The following CFAP47 variants were observed in gnomAD, a reference collection of about 807,000 sequenced individuals.
CFAP47 encodes the protein cilia and flagella associated protein 47.
CFAP47 carries 29 observed loss-of-function variants against 148.1 expected under a neutral mutation model. The ratio of observed to expected loss-of-function variants is 0.20; its 90% CI spans 0.15 to 0.27. The LOEUF (loss-of-function observed/expected upper bound fraction) is 0.27. CFAP47 is among the 10% of genes least tolerant of loss of function. CFAP47 has a pLI of 1.00. For synonymous variants in CFAP47, 664 were observed against 577.3 expected (o/e 1.15, Z -2.15); for missense variants, 1,872 against 1,697.5 (o/e 1.10, Z -1.81).
chrX:36,384,071 T>G (rs1942104369), intron 63 of CFAP47, among the ~76,000 whole-genome samples: 1 of 111,854 alleles, frequency 8.9e-6, no homozygotes, highest in Non-Finnish European at 1.9e-5. Flanking sequence ...CTGGGTGCGG[T>G]GGCTCAAGCC....
intron 33 of CFAP47, among the ~76,000 whole-genome samples, chrX:36,130,648 A>C (rs1342390926): frequency 9.0e-6 from 1 of 111,214 alleles, no homozygotes; most frequent in African/African-American, 3.3e-5. Context: ...AGCACTGTTC[A>C]CCATAGCCAA....
In CFAP47 at chrX:36,346,838, G is replaced by A. The variant is rs148054092; in HGVS notation, c.8444-1291G>A. Among the ~76,000 whole-genome samples the A allele has an allele frequency of 7.6e-3, 845 of 111,580 alleles. 5 individuals carry two copies. The highest frequency in any genetic ancestry group is 0.043 in the South Asian group (114 of 2,640). On this transcript the variant is annotated intron_variant, in intron 57 of 63. Coordinates refer to ENST00000378653, the MANE Select transcript of CFAP47 (RefSeq NM_001304548.2). ...AAGACCTAGGACCATAAAAATCCTA[G>A]AAGAAAACCTGGGCAATACCATTCA...
At chrX:36,247,762 G>A (rs1280244566) in intron 48 of CFAP47, among the ~76,000 whole-genome samples, 1 of 110,845 alleles carries the variant, frequency 9.0e-6, no homozygotes, top group African/African-American at 3.3e-5. Context: ...GAACAAAGGT[G>A]ACATAAGATA....
intron 26 of CFAP47, among the ~76,000 whole-genome samples, chrX:36,060,199 C>T (rs1487983617): frequency 2.7e-5 from 3 of 110,958 alleles, no homozygotes; most frequent in South Asian, 3.7e-4. Flanking sequence ...TTTCTGTGCA[C>T]GTGTGTGTGT....
At chrX:36,176,311 A>G (rs972698297) in intron 39 of CFAP47, among the ~76,000 whole-genome samples, 2 of 112,283 alleles carry the variant, frequency 1.8e-5, no homozygotes, top group South Asian at 3.7e-4. Context: ...CTATTCGGCC[A>G]TCTTGGCTCC....
chrX:36,163,545 A>G (rs1359823620), intron 39 of CFAP47, among the ~76,000 whole-genome samples: 1 of 110,559 alleles, frequency 9.0e-6, no homozygotes, highest in Non-Finnish European at 1.9e-5. Flanking sequence ...ATTTCTCTCT[A>G]AGGACTGCTT....
intron 33 of CFAP47, among the ~76,000 whole-genome samples, chrX:36,124,677 GT>G (rs1452469123): frequency 9.0e-6 from 1 of 111,150 alleles, no homozygotes; most frequent in African/African-American, 3.3e-5. Context: ...ATTTAAGATT[GT>G]TTTTCCTACC....
At chrX:36,149,749 C>T (rs910544616) in intron 37 of CFAP47, among the ~76,000 whole-genome samples, 16 of 108,178 alleles carry the variant, frequency 1.5e-4, no homozygotes, top group African/African-American at 5.4e-4. Flanking sequence ...GCTGGGATTA[C>T]GGGCGCCTGC....
At chrX:36,086,416 A>G (rs1938089114) in intron 30 of CFAP47, among the ~76,000 whole-genome samples, 1 of 111,476 alleles carries the variant, frequency 9.0e-6, no homozygotes, top group African/African-American at 3.3e-5. Flanking sequence ...TGTTTATGTA[A>G]TATGGTTAAT....
At chrX:36,327,355 G>A (rs1941525974) in intron 57 of CFAP47, among the ~76,000 whole-genome samples, 2 of 111,723 alleles carry the variant, frequency 1.8e-5, no homozygotes, top group Non-Finnish European at 1.9e-5. Flanking sequence ...GCCAACAAAC[G>A]TATGAAAAAA....
chrX:36,267,477 C>CTT (rs1206035626), intron 49 of CFAP47, among the ~76,000 whole-genome samples: 38 of 82,123 alleles, frequency 4.6e-4, no homozygotes, highest in African/African-American at 8.3e-4. Context: ...GGTTCATGTT[C>CTT]TTTTTTTTTT....
intron 57 of CFAP47, among the ~76,000 whole-genome samples, chrX:36,344,923 A>G (rs987892152): frequency 1.8e-5 from 2 of 112,036 alleles, no homozygotes; most frequent in Admixed American, 9.5e-5. Flanking sequence ...GACCTGTGAA[A>G]TATATAGTCA....
intron 57 of CFAP47, among the ~76,000 whole-genome samples, chrX:36,326,805 A>G (rs1364850373): frequency 9.0e-6 from 1 of 111,425 alleles, no homozygotes; most frequent in Non-Finnish European, 1.9e-5. Context: ...TTTAAAAGGG[A>G]AGCATAGCAT....
intron 39 of CFAP47, among the ~76,000 whole-genome samples, chrX:36,162,845 A>G (rs1602020333): frequency 8.9e-6 from 1 of 111,897 alleles, no homozygotes; most frequent in East Asian, 2.8e-4. Context: ...TTGCCTGTAC[A>G]ATTATAATAT....
chrX:36,328,582 G>A (rs1556013509), intron 57 of CFAP47, among the ~76,000 whole-genome samples: 2 of 108,863 alleles, frequency 1.8e-5, no homozygotes, highest in African/African-American at 6.7e-5. Context: ...AGGCCGAGGC[G>A]GGTGGATCAT....
At chrX:36,258,412 G>A (rs1004264214) in intron 49 of CFAP47, among the ~76,000 whole-genome samples, 2 of 111,395 alleles carry the variant, frequency 1.8e-5, no homozygotes, top group East Asian at 5.6e-4. Context: ...TACAATGAGA[G>A]CTCTTTAATA....
At chrX:36,377,825 C>T (rs1406354051) in intron 62 of CFAP47, among the ~76,000 whole-genome samples, 2 of 112,200 alleles carry the variant, frequency 1.8e-5, no homozygotes, top group Non-Finnish European at 3.8e-5. Flanking sequence ...CCTTATAATG[C>T]ACTTTTTGTG....
At chrX:36,032,813 C>T (rs1290230894) in intron 23 of CFAP47, among the ~76,000 whole-genome samples, 2 of 110,673 alleles carry the variant, frequency 1.8e-5, no homozygotes, top group South Asian at 3.8e-4. Flanking sequence ...GTAAAGGACT[C>T]GGAGAAGGGA....
At chrX:35,959,878 C>CAAA (rs755201291) in intron 8 of CFAP47, among the ~76,000 whole-genome samples, 7 of 30,356 alleles carry the variant, frequency 2.3e-4, no homozygotes, top group Admixed American at 8.2e-4. Context: ...GACTCCGTCT[C>CAAA]AAAAAAAAAA....
Sources: gnomAD v4.1 joint callset for allele counts (sites outside exome capture counted in the v4.1 genomes callset) on GRCh38, gnomAD v4.1.1 for gene constraint, MANE v1.5 for transcripts, NCBI Gene and HGNC (gene_info 2026-07-23, HGNC 2026-07-21) for gene names.